DLG2: variants seen among roughly 807,000 people sequenced by gnomAD.
DLG2 encodes discs large MAGUK scaffold protein 2.
Under a neutral mutation model 132.5 loss-of-function variants are expected in DLG2, and 45 were observed. That is an observed-to-expected ratio of 0.34 (90% CI 0.27 to 0.44). The LOEUF (loss-of-function observed/expected upper bound fraction) is 0.44. Ranked by LOEUF, DLG2 falls within the 20% of genes least tolerant of loss-of-function variation. The pLI, the probability that DLG2 is intolerant of heterozygous loss-of-function variation, is 1.00. For missense variants in DLG2, 1,045 were observed against 1,196.9 expected, an observed-to-expected ratio of 0.87 and a Z score of 1.87; for synonymous variants, 424 against 419.6, an observed-to-expected ratio of 1.01 and a Z score of -0.13.
intron 3 of DLG2, among the ~76,000 whole-genome samples, chr11:85,551,278 G>A (rs1402944964): frequency 1.3e-5 from 2 of 152,082 alleles, no homozygotes; most frequent in East Asian, 3.8e-4. Context: ...AAGCCATTAT[G>A]TTCCCCCAAA....
At chr11:83,988,994 T>C (rs2093538544) in intron 11 of DLG2, among the ~76,000 whole-genome samples, 1 of 152,052 alleles carries the variant, frequency 6.6e-6, no homozygotes, top group Non-Finnish European at 1.5e-5. Context: ...ACTATGCAAG[T>C]AGAACAAAAC....
intron 6 of DLG2, among the ~76,000 whole-genome samples, chr11:85,054,827 T>C (rs573767): frequency 1.3e-5 from 2 of 151,860 alleles, no homozygotes; most frequent in African/African-American, 4.8e-5. Context: ...ACTTGTAGAC[T>C]TAAAAATGCC....
chr11:84,270,878 G>A (rs2054023), intron 7 of DLG2, among the ~76,000 whole-genome samples: 17,708 of 152,156 alleles, frequency 0.12, 1,250 homozygotes, highest in Non-Finnish European at 0.15. Context: ...TATTTGAGCC[G>A]TATATTTGTC....
Position 83,529,139 on chromosome 11 carries a change from A to T in DLG2, c.2193+3569T>A, listed in dbSNP as rs139176112. On this transcript the variant is annotated intron_variant, in intron 21 of 27. Transcript: ENST00000376104. ...TGCTCTGAAAATGCCAGCTAATGATAAGGTTATTTAAAACACCCTATTATC... is the reference window on the plus strand; with the variant it reads ...TGCTCTGAAAATGCCAGCTAATGATTAGGTTATTTAAAACACCCTATTATC... 3.2e-3 allele frequency among the ~76,000 whole-genome samples: 491 copies of T among 152,236 alleles called. 1 individual carries two copies. The highest frequency in any genetic ancestry group is 4.8e-3 in the Non-Finnish European group (326 of 68,010).
intron 4 of DLG2, among the ~76,000 whole-genome samples, chr11:85,240,556 A>G (rs2075825007): frequency 6.6e-6 from 1 of 151,744 alleles, no homozygotes; most frequent in South Asian, 2.1e-4. Context: ...CTTGTTTCTG[A>G]TATTTAAGTC....
intron 7 of DLG2, among the ~76,000 whole-genome samples, chr11:84,419,303 G>A (rs1364113112): frequency 6.6e-6 from 1 of 152,060 alleles, no homozygotes; most frequent in African/African-American, 2.4e-5. Flanking sequence ...TTCAAAACAC[G>A]TTTTGTATTC....
intron 6 of DLG2, among the ~76,000 whole-genome samples, chr11:84,893,990 G>A (rs770984849): frequency 3.3e-5 from 5 of 152,134 alleles, no homozygotes; most frequent in Non-Finnish European, 7.4e-5. Context: ...TCTCAGAAGT[G>A]TTCAGAATTT....
At chr11:85,554,996 C>A (rs2076860862) in intron 3 of DLG2, among the ~76,000 whole-genome samples, 1 of 151,694 alleles carries the variant, frequency 6.6e-6, no homozygotes, top group African/African-American at 2.4e-5. Flanking sequence ...CCCCCCTGCC[C>A]ACCAAAGTAT....
chr11:85,119,144 A>C (rs1331158715), intron 5 of DLG2, among the ~76,000 whole-genome samples: 1 of 151,980 alleles, frequency 6.6e-6, no homozygotes, highest in Middle Eastern at 3.2e-3. Flanking sequence ...AGAACTTTAA[A>C]CTTAAGTTTT....
At chr11:84,373,265 C>CAAAAAAAAAAAAAAAAAAAAAAAAA (rs59038372) in intron 7 of DLG2, among the ~76,000 whole-genome samples, 2 of 98,090 alleles carry the variant, frequency 2.0e-5, no homozygotes, top group Non-Finnish European at 3.6e-5. Flanking sequence ...AAAAAAAAAA[C>CAAAAAAAAAAAAAAAAAAAAAAAAA]AAAACAAAAA....
intron 3 of DLG2, among the ~76,000 whole-genome samples, chr11:85,324,812 C>A (rs934064946): frequency 8.2e-6 from 1 of 122,394 alleles, no homozygotes; most frequent in Non-Finnish European, 1.8e-5. Flanking sequence ...CAGCTCCCAG[C>A]GTGAGCGACG....
intron 6 of DLG2, among the ~76,000 whole-genome samples, chr11:84,606,783 G>T (rs992141422): frequency 6.6e-6 from 1 of 152,004 alleles, no homozygotes; most frequent in African/African-American, 2.4e-5. Flanking sequence ...AAAAGGGGAA[G>T]AAAAAGGTCA....
At chr11:85,504,054 G>A (rs1158902863) in intron 3 of DLG2, among the ~76,000 whole-genome samples, 1 of 152,100 alleles carries the variant, frequency 6.6e-6, no homozygotes, top group Non-Finnish European at 1.5e-5. Flanking sequence ...TTTTTGAGGG[G>A]GATGTTTGAT....
intron 7 of DLG2, among the ~76,000 whole-genome samples, chr11:84,415,887 T>C (rs962056336): frequency 1.3e-5 from 2 of 152,194 alleles, no homozygotes; most frequent in Non-Finnish European, 2.9e-5. Flanking sequence ...GTTAATCACA[T>C]GTTGAGTGCT....
intron 3 of DLG2, among the ~76,000 whole-genome samples, chr11:85,477,102 A>T (rs2093166170): frequency 6.6e-6 from 1 of 152,176 alleles, no homozygotes; most frequent in African/African-American, 2.4e-5. Context: ...CAGCTCCATT[A>T]TAATCATATG....
intron 3 of DLG2, among the ~76,000 whole-genome samples, chr11:85,335,222 T>C (rs550162997): frequency 6.7e-6 from 1 of 148,886 alleles, no homozygotes; most frequent in East Asian, 2.0e-4. Context: ...AATAATAATG[T>C]GAAATAACAG....
chr11:84,351,616 T>C (rs533783387), intron 7 of DLG2, among the ~76,000 whole-genome samples: 1 of 152,324 alleles, frequency 6.6e-6, no homozygotes, highest in South Asian at 2.1e-4. Context: ...ACTGAGCGCC[T>C]GGAACATAGT....
chr11:84,852,572 G>C (rs1338386416), intron 6 of DLG2, among the ~76,000 whole-genome samples: 1 of 151,958 alleles, frequency 6.6e-6, no homozygotes, highest in Non-Finnish European at 1.5e-5. Flanking sequence ...AAATAGTCCT[G>C]ATCTTTGATG....
intron 6 of DLG2, among the ~76,000 whole-genome samples, chr11:84,935,503 G>T (rs2048633752): frequency 6.6e-6 from 1 of 152,104 alleles, no homozygotes; most frequent in African/African-American, 2.4e-5. Flanking sequence ...TTCCTCTAAA[G>T]TACTATGCCC....
Sources: gnomAD v4.1 joint callset for allele counts (sites outside exome capture counted in the v4.1 genomes callset) on GRCh38, gnomAD v4.1.1 for gene constraint, MANE v1.5 for transcripts, NCBI Gene and HGNC (gene_info 2026-07-23, HGNC 2026-07-21) for gene names.